Variants in RBFOX1 observed in about 807,000 individuals in gnomAD.
The protein encoded by RBFOX1 is RNA binding fox-1 homolog 1.
RBFOX1 carries 8 observed loss-of-function variants against 57.7 expected under a neutral mutation model. The observed-to-expected ratio is 0.14, with a 90% confidence interval of 0.08 to 0.25. The LOEUF (loss-of-function observed/expected upper bound fraction) is 0.25. Ranked by LOEUF, RBFOX1 falls within the 10% of genes least tolerant of loss-of-function variation. The pLI, the probability that RBFOX1 is intolerant of heterozygous loss-of-function variation, is 1.00. For missense variants in RBFOX1, 611 were observed against 548.5 expected (o/e 1.11, Z -1.14); for synonymous variants, 326 against 222.4 (o/e 1.47, Z -4.15).
chr16:5,706,759 G>T (rs536556579), intron 3 of RBFOX1, among the ~76,000 whole-genome samples: 1 of 152,058 alleles, frequency 6.6e-6, no homozygotes, highest in African/African-American at 2.4e-5. Context: ...ATTTGTCTCC[G>T]GGGGCACCCC....
At chr16:7,577,332 C>T (rs1261302025) in intron 5 of RBFOX1, among the ~76,000 whole-genome samples, 1 of 152,126 alleles carries the variant, frequency 6.6e-6, no homozygotes, top group Non-Finnish European at 1.5e-5. Context: ...TGAAACCTGT[C>T]CTCCTGCCTT....
intron 2 of RBFOX1, among the ~76,000 whole-genome samples, chr16:6,472,215 C>T (rs2095192857): frequency 6.6e-6 from 1 of 152,182 alleles, no homozygotes; most frequent in African/African-American, 2.4e-5. Flanking sequence ...TGACCCAGGT[C>T]CCTGGACAAG....
At chr16:7,680,956 G>T (rs2074578610) in intron 14 of RBFOX1, among the ~76,000 whole-genome samples, 1 of 152,056 alleles carries the variant, frequency 6.6e-6, no homozygotes, top group African/African-American at 2.4e-5. Flanking sequence ...ACTTATAAGT[G>T]TTTTCAGGTA....
At chr16:5,426,272 C>T (rs1233481745) in intron 1 of RBFOX1, among the ~76,000 whole-genome samples, 3 of 152,162 alleles carry the variant, frequency 2.0e-5, no homozygotes, top group Non-Finnish European at 2.9e-5. Flanking sequence ...CACACCTTCA[C>T]GGGATGTATG....
chr16:5,422,607 G>A (rs954031014), intron 1 of RBFOX1, among the ~76,000 whole-genome samples: 3 of 120,014 alleles, frequency 2.5e-5, no homozygotes, highest in Non-Finnish European at 3.5e-5. Context: ...AGGAGGAAGA[G>A]TGAGAGGGTG....
intron 3 of RBFOX1, among the ~76,000 whole-genome samples, chr16:5,653,724 G>C (rs2049328132): frequency 1.3e-5 from 2 of 152,128 alleles, no homozygotes. Context: ...TTCCAAAAGT[G>C]CTTAGAGCCG....
intron 1 of RBFOX1, among the ~76,000 whole-genome samples, chr16:6,221,361 A>C (rs1389682514): frequency 6.6e-6 from 1 of 152,170 alleles, no homozygotes; most frequent in Non-Finnish European, 1.5e-5. Context: ...TTATATGCTT[A>C]ATCTCTGGGT....
At chr16:6,181,732 A>G (rs1298962938) in intron 1 of RBFOX1, among the ~76,000 whole-genome samples, 2 of 152,096 alleles carry the variant, frequency 1.3e-5, no homozygotes, top group Non-Finnish European at 2.9e-5. Context: ...ACAGGATAAG[A>G]TCCTGTCATC....
At chr16:6,823,082 C>G (rs1020862036) in intron 3 of RBFOX1, among the ~76,000 whole-genome samples, 11 of 152,042 alleles carry the variant, frequency 7.2e-5, no homozygotes, top group Non-Finnish European at 1.5e-4. Context: ...TTCCATTTTA[C>G]AGATGGGAGA....
At chr16:6,074,238 G>C (rs62017380) in intron 1 of RBFOX1, among the ~76,000 whole-genome samples, 2,661 of 152,270 alleles carry the variant, frequency 0.017, 33 homozygotes, top group Non-Finnish European at 0.031. Flanking sequence ...ATGAGCCACA[G>C]CGCCCGGCCA....
intron 4 of RBFOX1, among the ~76,000 whole-genome samples, chr16:7,284,181 A>G (rs567465684): frequency 3.9e-4 from 59 of 152,228 alleles, no homozygotes; most frequent in Non-Finnish European, 7.2e-4. Context: ...CACTAGTTGA[A>G]GGGCGGTTGT....
chr16:7,649,274 T>C (rs1332803952), intron 11 of RBFOX1, among the ~76,000 whole-genome samples: 1 of 152,234 alleles, frequency 6.6e-6, no homozygotes, highest in Non-Finnish European at 1.5e-5. Context: ...TGATAAAGGA[T>C]TAATTTTCTT....
chr16:6,521,916 G>T (rs149509349), intron 2 of RBFOX1, among the ~76,000 whole-genome samples: 1 of 152,276 alleles, frequency 6.6e-6, no homozygotes, highest in African/African-American at 2.4e-5. Context: ...TTGAATTCGA[G>T]CTAAGGGAAG....
intron 1 of RBFOX1, among the ~76,000 whole-genome samples, chr16:6,153,928 G>A (rs572062965): frequency 6.6e-6 from 1 of 152,158 alleles, no homozygotes; most frequent in Non-Finnish European, 1.5e-5. Context: ...CTGAGGTAAG[G>A]TGACCTCGTT....
intron 1 of RBFOX1, among the ~76,000 whole-genome samples, chr16:5,309,287 A>T (rs185945541): frequency 4.6e-5 from 7 of 152,050 alleles, no homozygotes; most frequent in African/African-American, 1.7e-4. Context: ...TCTTGTTGCT[A>T]TCTCTCTTTC....
intron 3 of RBFOX1, among the ~76,000 whole-genome samples, chr16:5,784,669 G>T (rs144095551): frequency 2.6e-5 from 4 of 152,128 alleles, no homozygotes; most frequent in African/African-American, 9.7e-5. Flanking sequence ...TTTGGGTGAC[G>T]ACACAGATCG....
At chr16:7,693,175 G>A in intron 14 of RBFOX1, 1 of 659,546 alleles carries the variant, frequency 1.5e-6, no homozygotes, top group Non-Finnish European at 2.8e-6. Context: ...TAAACTCTGA[G>A]GTACATCAGC....
intron 3 of RBFOX1, among the ~76,000 whole-genome samples, chr16:5,657,761 C>G (rs1300077747): frequency 9.2e-6 from 1 of 108,274 alleles, no homozygotes; most frequent in African/African-American, 3.4e-5. Context: ...GAGACAGAAT[C>G]TCACTCTGTC....
chr16:6,649,452 A>G (rs926711773), intron 2 of RBFOX1, among the ~76,000 whole-genome samples: 7 of 152,112 alleles, frequency 4.6e-5, no homozygotes, highest in African/African-American at 1.7e-4. Context: ...CTGAGATTTT[A>G]ATGCACCCAT....
Sources: allele counts gnomAD v4.1 joint callset (sites outside exome capture counted in the v4.1 genomes callset), GRCh38; gene constraint gnomAD v4.1.1; transcripts MANE v1.5; gene names NCBI Gene and HGNC (gene_info 2026-07-23, HGNC 2026-07-21).